VRK2: variants seen among roughly 807,000 people sequenced by gnomAD.
VRK2 encodes serine/threonine-protein kinase VRK2.
In VRK2, 60 loss-of-function variants were observed where a neutral mutation model predicts 57.6. The ratio of observed to expected loss-of-function variants is 1.04; its 90% CI spans 0.85 to 1.29. VRK2 has a LOEUF of 1.29. Ranked by LOEUF, VRK2 falls within the 50% of genes most tolerant of loss-of-function variation. The pLI is 0.00. For synonymous variants in VRK2, 231 were observed against 199.2 expected (o/e 1.16, Z -1.35); for missense variants, 705 against 588.1 (o/e 1.20, Z -2.06).
intron 2 of VRK2, among the ~76,000 whole-genome samples, chr2:58,073,571 CTGATT>C (rs1398239985): frequency 6.6e-6 from 1 of 150,398 alleles, no homozygotes; most frequent in Admixed American, 6.7e-5. Context: ...CTCTTTATTC[CTGATT>C]GTTTTTCTGG....
intron 1 of VRK2, among the ~76,000 whole-genome samples, chr2:58,001,699 A>T (rs1260177743): frequency 6.6e-6 from 1 of 152,030 alleles, no homozygotes; most frequent in African/African-American, 2.4e-5. Flanking sequence ...TCGCGCACCT[A>T]TAAGCCCAGC....
chr2:58,139,635 A>G, intron 10 of VRK2, 31 bp from the exon 11 acceptor site: 2 of 1,593,968 alleles, frequency 1.3e-6, no homozygotes, highest in Non-Finnish European at 1.7e-6. Flanking sequence ...GCCAATTGTG[A>G]ATGACATGTA....
At chr2:58,072,400 G>A (rs1250265718) in intron 2 of VRK2, among the ~76,000 whole-genome samples, 1 of 151,632 alleles carries the variant, frequency 6.6e-6, no homozygotes, top group East Asian at 1.9e-4. Flanking sequence ...TTTTAGCTAT[G>A]GTTTTATTTG....
At chr2:57,959,057 C>G (rs893764402) in intron 1 of VRK2, among the ~76,000 whole-genome samples, 4 of 152,194 alleles carry the variant, frequency 2.6e-5, no homozygotes, top group African/African-American at 7.2e-5. Context: ...AACTAAGAGG[C>G]AGGGGTCGTT....
rs1161406453 is a variant in VRK2 at position 58,085,700 on chromosome 2, TAC to T, written c.257-638_257-637del. ...TTCTAAACATTAAGACTGTAATCTT[TAC>T]TAATTGCTTAAACTATGTCACAGTG... On this transcript the variant is annotated intron_variant, in intron 4 of 12. Coordinates refer to ENST00000340157, the MANE Select transcript of VRK2 (RefSeq NM_006296.7). Among the ~76,000 whole-genome samples the T allele has an allele frequency of 2.0e-5, 3 of 151,946 alleles. No homozygotes were observed. In the East Asian group the frequency reaches 5.8e-4, roughly 29 times the overall value.
intron 2 of VRK2, among the ~76,000 whole-genome samples, chr2:58,070,636 C>G (rs775002202): frequency 1.2e-4 from 19 of 152,286 alleles, no homozygotes; most frequent in Non-Finnish European, 2.4e-4. Flanking sequence ...TCCTCCATAT[C>G]TTTTTGTGGC....
At position 57,952,452 on chromosome 2, in the gene VRK2, G is replaced by A. The variant is rs1053904468; in HGVS notation, c.-439+44613G>A. ...AAAGAGGGAATTAACATTTTGGCTC[G>A]CTTCATTGTTATTTCTTCCAAACTC... On this transcript the variant is annotated intron_variant, in intron 1 of 15. Coordinates refer to the VRK2 transcript ENST00000417641. 5.3e-5 allele frequency among the ~76,000 whole-genome samples: 8 copies of A among 152,226 alleles called. No homozygotes were observed. In the East Asian group the frequency reaches 7.7e-4, roughly 15 times the overall value.
At chr2:58,122,957 A>G in intron 7 of VRK2, 144 bp from the exon 8 acceptor site, 4 of 984,174 alleles carry the variant, frequency 4.1e-6, no homozygotes, top group South Asian at 5.1e-5. Flanking sequence ...CCAGTTGTAC[A>G]TATTTTATCC....
intron 7 of VRK2, among the ~76,000 whole-genome samples, chr2:58,115,545 ATTTG>A (rs35732276): frequency 0.31 from 46,351 of 151,890 alleles, 8,357 homozygotes; most frequent in East Asian, 0.43. Flanking sequence ...AGTAAGGTCA[ATTTG>A]TTTGGACAGA....
chr2:58,050,049 A>G lies in VRK2; in HGVS notation c.136+1082A>G, dbSNP rs554948947. On this transcript the variant is annotated intron_variant, in intron 2 of 12. Coordinates refer to ENST00000340157, the MANE Select transcript of VRK2 (RefSeq NM_006296.7). ...GCTTGAAATTGCTTGAAAAAATACT[A>G]TGGTTATTAAGTGCTAGATTGAATG... 7.3e-4 allele frequency among the ~76,000 whole-genome samples: 111 copies of G among 152,346 alleles called. 2 individuals carry two copies. The highest frequency in any genetic ancestry group is 2.5e-3 in the African/African-American group (104 of 41,588).
chr2:58,095,373 C>G (rs1006994622), intron 7 of VRK2, among the ~76,000 whole-genome samples: 1 of 151,472 alleles, frequency 6.6e-6, no homozygotes, highest in African/African-American at 2.4e-5. Context: ...GGGGAGACCT[C>G]ACATCTGTAT....
At chr2:58,084,996 T>G (rs1434852751) in intron 4 of VRK2, 46 bp downstream of exon 4, 3 of 1,509,258 alleles carry the variant, frequency 2.0e-6, no homozygotes, top group Non-Finnish European at 2.7e-6. Context: ...ATGTGCTTGC[T>G]AAAGTGAGTG....
At chr2:57,924,044 T>C (rs58174848) in intron 1 of VRK2, among the ~76,000 whole-genome samples, 44,275 of 151,732 alleles carry the variant, frequency 0.29, 7,462 homozygotes, top group African/African-American at 0.48. Flanking sequence ...GATGTGTGAA[T>C]TTATTTCTGT....
intron 9 of VRK2, among the ~76,000 whole-genome samples, chr2:58,133,858 G>A (rs146692915): frequency 3.9e-5 from 6 of 152,192 alleles, no homozygotes; most frequent in East Asian, 1.9e-4. Context: ...CAATGTTTGC[G>A]TGAATTTTTT....
At chr2:58,087,902 G>T (rs1008136683) in intron 5 of VRK2, among the ~76,000 whole-genome samples, 8 of 152,024 alleles carry the variant, frequency 5.3e-5, no homozygotes, top group African/African-American at 1.9e-4. Context: ...CAGGAGAATC[G>T]CTTGAACCTG....
intron 1 of VRK2, among the ~76,000 whole-genome samples, chr2:57,975,141 A>G (rs1277765793): frequency 1.3e-5 from 2 of 152,010 alleles, no homozygotes; most frequent in Non-Finnish European, 2.9e-5. Context: ...TTAAAGTAAA[A>G]TTTGTGAAAA....
At chr2:58,004,461 T>G (rs1342620586) in intron 1 of VRK2, among the ~76,000 whole-genome samples, 1 of 152,172 alleles carries the variant, frequency 6.6e-6, no homozygotes, top group Non-Finnish European at 1.5e-5. Flanking sequence ...AATCTGTTAT[T>G]GCAATGATTT....
At chr2:58,064,866 AT>A (rs2103930439) in intron 2 of VRK2, among the ~76,000 whole-genome samples, 1 of 152,232 alleles carries the variant, frequency 6.6e-6, no homozygotes, top group South Asian at 2.1e-4. Context: ...AAACATAAAC[AT>A]TTTTAACATG....
At chr2:57,935,491 T>C (rs2103942866) in intron 1 of VRK2, among the ~76,000 whole-genome samples, 2 of 152,294 alleles carry the variant, frequency 1.3e-5, no homozygotes, top group Non-Finnish European at 2.9e-5. Context: ...AGATGCTTGC[T>C]TTTCCTATCC....
Sources: allele counts gnomAD v4.1 joint callset (sites outside exome capture counted in the v4.1 genomes callset), GRCh38; gene constraint gnomAD v4.1.1; transcripts MANE v1.5; gene names NCBI Gene and HGNC (gene_info 2026-07-23, HGNC 2026-07-21).